The following FBLN5 variants were observed in gnomAD, a reference collection of about 807,000 sequenced individuals.
FBLN5 encodes the protein fibulin-5.
In FBLN5, 24 loss-of-function variants were observed where a neutral mutation model predicts 61.6. That is an observed-to-expected ratio of 0.39 (90% CI 0.28 to 0.55). FBLN5 has a LOEUF of 0.55. Ranked by LOEUF, FBLN5 falls within the 20% of genes least tolerant of loss-of-function variation. FBLN5 has a pLI of 0.65. For missense variants in FBLN5, 470 were observed against 594.1 expected, an observed-to-expected ratio of 0.79 and a Z score of 2.17; for synonymous variants, 213 against 219.8, an observed-to-expected ratio of 0.97 and a Z score of 0.27.
intron 2 of FBLN5, 71 bp downstream of exon 2, chr14:91,942,836 G>T: frequency 1.0e-6 from 1 of 981,358 alleles, no homozygotes; most frequent in Non-Finnish European, 1.6e-6. Context: ...GGGTTCCGTA[G>T]CGCAAGGCTG....
At position 91,937,276 on chromosome 14, in the gene FBLN5, C is replaced by T. The variant is rs970894777; in HGVS notation, c.125-75G>A. On this transcript the variant is annotated intron_variant, in intron 3 of 10. Transcript: ENST00000342058. ...GTCCGGTGCATATTTAAGCAGAACT[C>T]GGTACCAGGCGTGGAGGAAGCACTC... The T allele has an allele frequency of 5.0e-6, 8 of 1,591,040 alleles. No homozygotes were observed. In the Admixed American group the frequency reaches 7.0e-5, roughly 14 times the overall value.
At chr14:91,920,022 T>C (rs2055706967) in intron 4 of FBLN5, among the ~76,000 whole-genome samples, 1 of 152,172 alleles carries the variant, frequency 6.6e-6, no homozygotes, top group Admixed American at 6.5e-5. Context: ...TCTTGTTGAC[T>C]AGAACTTATT....
chr14:91,930,694 T>C (rs141392329), intron 4 of FBLN5, among the ~76,000 whole-genome samples: 6 of 152,286 alleles, frequency 3.9e-5, no homozygotes, highest in Non-Finnish European at 8.8e-5. Flanking sequence ...CACAGTCCTG[T>C]CAGCATTAGG....
chr14:91,939,964 A>G (rs752287390), intron 3 of FBLN5: 1 of 453,914 alleles, frequency 2.2e-6, no homozygotes, highest in African/African-American at 2.0e-5. Flanking sequence ...CAACAGAAAA[A>G]GAAGAGATTC....
chr14:91,897,748 G>C (rs966695503), intron 4 of FBLN5, among the ~76,000 whole-genome samples: 13 of 152,158 alleles, frequency 8.5e-5, no homozygotes, highest in Non-Finnish European at 4.4e-5. Flanking sequence ...CACTTTTACT[G>C]AACTAAAGAA....
chr14:91,874,498 C>A (rs550613028), intron 10 of FBLN5: 1 of 152,306 alleles, frequency 6.6e-6, no homozygotes, highest in African/African-American at 2.4e-5. Flanking sequence ...ATTTTTGGTG[C>A]CAGGCTGCTT....
chr14:91,879,610 A>G (rs1234000474), intron 9 of FBLN5, among the ~76,000 whole-genome samples: 1 of 152,264 alleles, frequency 6.6e-6, no homozygotes, highest in Non-Finnish European at 1.5e-5. Context: ...CAGGAATAGA[A>G]GCTGGGAAGA....
intron 9 of FBLN5, 165 bp from the exon 10 acceptor site, chr14:91,877,847 A>C: frequency 1.5e-6 from 1 of 687,410 alleles, no homozygotes; most frequent in South Asian, 1.5e-5. Flanking sequence ...AAATCTCTCC[A>C]GCATGTAGGC....
At chr14:91,877,389 C>G in intron 10 of FBLN5, 98 bp downstream of exon 10, 1 of 997,932 alleles carries the variant, frequency 1.0e-6, no homozygotes, top group Non-Finnish European at 1.6e-6. Flanking sequence ...ACCTGTCCCC[C>G]AGCCCCACTC....
At chr14:91,881,973 G>A (rs1889497033) in intron 8 of FBLN5, among the ~76,000 whole-genome samples, 1 of 151,818 alleles carries the variant, frequency 6.6e-6, no homozygotes, top group African/African-American at 2.4e-5. Flanking sequence ...TGGCATGGTG[G>A]CATGCGCCTG....
chr14:91,942,925 T>C lies in FBLN5; in HGVS notation c.54A>G (p.Pro18=), dbSNP rs748040891. 5 of 1,548,912 alleles carry C rather than the reference T, an allele frequency of 3.2e-6. No individual in the cohort carries two copies. The Middle Eastern group carries it at 8.3e-4, about 259-fold the overall frequency. ...ATCTTACCTGTGCATTCCCAGGGCT[T>C]GGAAGACAGAGAGCCAGAATGGTAA... ...LTVTILALCL[P]SPGNAQAQCT... Residue 18 remains proline, a synonymous_variant, in exon 2 of 11, where the codon CCA becomes CCG. Transcript: ENST00000342058.
intron 4 of FBLN5, among the ~76,000 whole-genome samples, chr14:91,936,473 A>T (rs1431818358): frequency 6.6e-6 from 1 of 152,160 alleles, no homozygotes. Context: ...TTTCCAGAAC[A>T]GTTGGCCGTG....
chr14:91,898,822 G>A (rs1468141609), intron 4 of FBLN5, among the ~76,000 whole-genome samples: 8 of 97,802 alleles, frequency 8.2e-5, no homozygotes, highest in Admixed American at 5.6e-4. Context: ...TTTTTTTTGC[G>A]ACGGAATCTC....
chr14:91,922,880 G>A (rs1273623664), intron 4 of FBLN5, among the ~76,000 whole-genome samples: 1 of 152,116 alleles, frequency 6.6e-6, no homozygotes, highest in Non-Finnish European at 1.5e-5. Flanking sequence ...CCCTTTTTCA[G>A]GGGTCTCGGC....
chr14:91,896,369 C>T (rs527386248), intron 4 of FBLN5, among the ~76,000 whole-genome samples: 1 of 152,206 alleles, frequency 6.6e-6, no homozygotes, highest in African/African-American at 2.4e-5. Context: ...TCACCTGCAC[C>T]TTGGTGGGTC....
At chr14:91,925,802 G>A (rs539261194) in intron 4 of FBLN5, among the ~76,000 whole-genome samples, 1 of 152,318 alleles carries the variant, frequency 6.6e-6, no homozygotes, top group East Asian at 1.9e-4. Flanking sequence ...CTGAGCTGCC[G>A]TGGTACCCAG....
chr14:91,910,822 G>C (rs370846415), intron 4 of FBLN5, among the ~76,000 whole-genome samples: 2 of 152,062 alleles, frequency 1.3e-5, no homozygotes, highest in Admixed American at 1.3e-4. Context: ...GGTAGAGAAG[G>C]GGAGGCAGGG....
At chr14:91,944,638 C>T (rs1243005248) in intron 1 of FBLN5, among the ~76,000 whole-genome samples, 1 of 152,176 alleles carries the variant, frequency 6.6e-6, no homozygotes, top group Middle Eastern at 3.2e-3. Flanking sequence ...GAAATTCTGA[C>T]ACATGCTACA....
At chr14:91,934,860 C>G (rs928703744) in intron 4 of FBLN5, among the ~76,000 whole-genome samples, 7 of 152,110 alleles carry the variant, frequency 4.6e-5, no homozygotes, top group Non-Finnish European at 7.4e-5. Context: ...TTGGAAGGAG[C>G]GGTAGGTAGA....
Sources: gnomAD v4.1 joint callset for allele counts (sites outside exome capture counted in the v4.1 genomes callset) on GRCh38, gnomAD v4.1.1 for gene constraint, MANE v1.5 for transcripts, NCBI Gene and HGNC (gene_info 2026-07-23, HGNC 2026-07-21) for gene names.